Variants in ABCD3 observed in about 807,000 individuals in gnomAD.
The protein encoded by ABCD3 is ATP-binding cassette sub-family D member 3.
In ABCD3, 41 loss-of-function variants were observed where a neutral mutation model predicts 105.5. The ratio of observed to expected loss-of-function variants is 0.39; its 90% confidence interval spans 0.30 to 0.50. ABCD3 has a LOEUF of 0.50. ABCD3 is among the 20% of genes least tolerant of loss of function. The pLI, the probability that ABCD3 is intolerant of heterozygous loss-of-function variation, is 0.84. For synonymous variants in ABCD3, 258 were observed against 269.0 expected, an observed-to-expected ratio of 0.96 and a Z score of 0.40; for missense variants, 622 against 806.3, an observed-to-expected ratio of 0.77 and a Z score of 2.77.
Position 94,498,659 on chromosome 1 carries a change from CT to C in ABCD3, c.1448del (p.Phe483SerfsTer15). 1 of 1,612,840 alleles carries C rather than the reference CT, an allele frequency of 6.2e-7. No homozygotes were observed. Among genetic ancestry groups the C allele is most frequent in the Non-Finnish European group, 8.5e-7 (1 of 1,179,786 alleles). On this transcript the variant is annotated frameshift_variant, in exon 17 of 23. Transcript: ENST00000370214. LOFTEE classifies it high-confidence loss of function. ...CGPNGCGKSSLFRVLGELWPL... is the reference protein window; with the variant it reads ...CGPNGCGKSSXFRVLGELWPL... Reference sequence around the variant, plus strand: ...TCCAAATGGCTGCGGAAAGAGTTCACTTTTCCGTGTTCTTGGTGAAGTAAGT... The same window carrying C: ...TCCAAATGGCTGCGGAAAGAGTTCACTTTCCGTGTTCTTGGTGAAGTAAGT...
chr1:94,398,762 A>T, the ABCD3 span, among the ~76,000 whole-genome samples: 93 of 152,280 alleles, frequency 6.1e-4, no homozygotes, highest in African/African-American at 2.2e-3. Context: ...AAATGCAAAA[A>T]AATTAGCTGG....
At chr1:94,472,596 C>T (rs1648541025) in intron 4 of ABCD3, among the ~76,000 whole-genome samples, 1 of 152,078 alleles carries the variant, frequency 6.6e-6, no homozygotes, top group Non-Finnish European at 1.5e-5. Context: ...TTTCATGCTA[C>T]AAACCCCTCT....
intron 1 of ABCD3, among the ~76,000 whole-genome samples, chr1:94,424,022 G>C (rs1308599796): frequency 6.6e-6 from 1 of 152,148 alleles, no homozygotes; most frequent in Non-Finnish European, 1.5e-5. Flanking sequence ...TTACCCATGA[G>C]TAGATGTTAT....
intron 13 of ABCD3, 65 bp downstream of exon 13, chr1:94,488,048 T>G: frequency 7.6e-7 from 1 of 1,312,416 alleles, no homozygotes; most frequent in South Asian, 1.2e-5. Flanking sequence ...CCTTAATGAT[T>G]GTATCAGTTG....
chr1:94,511,565 T>C, intron 21 of ABCD3, among the ~76,000 whole-genome samples: 1 of 152,208 alleles, frequency 6.6e-6, no homozygotes, highest in South Asian at 2.1e-4. Context: ...GAAGTTCTCC[T>C]GGATAATATC....
intron 10 of ABCD3, among the ~76,000 whole-genome samples, chr1:94,485,919 C>T (rs1212297538): frequency 3.3e-5 from 5 of 152,182 alleles, no homozygotes; most frequent in East Asian, 1.9e-4. Context: ...GAGCCAGTTG[C>T]GGTGGCTCAC....
chr1:94,458,792 A>G, intron 2 of ABCD3, 149 bp downstream of exon 2: 1 of 770,076 alleles, frequency 1.3e-6, no homozygotes, highest in South Asian at 1.8e-5. Context: ...TACTCTCTGA[A>G]ATAGGACTCC....
the ABCD3 span, among the ~76,000 whole-genome samples, chr1:94,404,210 T>A: frequency 6.6e-6 from 1 of 152,168 alleles, no homozygotes; most frequent in Non-Finnish European, 1.5e-5. Flanking sequence ...CATCAATACC[T>A]TTGCTCATTT....
At chr1:94,507,387 T>C (rs1557692176) in intron 21 of ABCD3, among the ~76,000 whole-genome samples, 1 of 152,222 alleles carries the variant, frequency 6.6e-6, no homozygotes, top group East Asian at 1.9e-4. Context: ...ATCCAGTCTA[T>C]CTTTGTTGGA....
chr1:94,396,377 C>T, the ABCD3 span, among the ~76,000 whole-genome samples: 3 of 152,208 alleles, frequency 2.0e-5, no homozygotes, highest in African/African-American at 7.2e-5. Flanking sequence ...AACAAAATCT[C>T]ACTTACTGAA....
chr1:94,388,288 G>T, the ABCD3 span, among the ~76,000 whole-genome samples: 1 of 152,106 alleles, frequency 6.6e-6, no homozygotes, highest in Non-Finnish European at 1.5e-5. Context: ...GAAACTTATT[G>T]CCACCCGCAC....
At chr1:94,447,213 A>G (rs1051148742) in intron 1 of ABCD3, among the ~76,000 whole-genome samples, 1 of 152,248 alleles carries the variant, frequency 6.6e-6, no homozygotes, top group Non-Finnish European at 1.5e-5. Flanking sequence ...TCGTTAATAA[A>G]CAATTAGAAG....
At chr1:94,515,226 G>T in intron 22 of ABCD3, 24 bp downstream of exon 22, 2 of 1,568,622 alleles carry the variant, frequency 1.3e-6, no homozygotes, top group Non-Finnish European at 8.8e-7. Flanking sequence ...TCATTGAATG[G>T]TACAGTGAAA....
At chr1:94,515,691 G>A (rs1024640550) in intron 22 of ABCD3, among the ~76,000 whole-genome samples, 7 of 151,898 alleles carry the variant, frequency 4.6e-5, no homozygotes, top group African/African-American at 7.2e-5. Context: ...GCTTACATTG[G>A]TGCACGTGTA....
the ABCD3 span, among the ~76,000 whole-genome samples, chr1:94,397,190 T>A: frequency 7.5e-4 from 114 of 152,354 alleles, no homozygotes; most frequent in African/African-American, 2.7e-3. Context: ...ATACCTTTCA[T>A]CCAGCTTCCC....
chr1:94,398,757 C>CA, the ABCD3 span, among the ~76,000 whole-genome samples: 12 of 151,890 alleles, frequency 7.9e-5, no homozygotes, highest in Non-Finnish European at 1.6e-4. Context: ...ACTAAAAATG[C>CA]AAAAAAATTA....
intron 21 of ABCD3, among the ~76,000 whole-genome samples, chr1:94,507,097 A>G (rs1372302267): frequency 2.6e-5 from 4 of 152,030 alleles, no homozygotes; most frequent in Admixed American, 1.3e-4. Flanking sequence ...CCACTAACTC[A>G]TCATCTAGCA....
At chr1:94,490,122 G>T (rs942543349) in intron 15 of ABCD3, 147 bp downstream of exon 15, 4 of 691,956 alleles carry the variant, frequency 5.8e-6, no homozygotes, top group Non-Finnish European at 7.5e-6. Context: ...CCTAAAAATT[G>T]TGTATATTAA....
At chr1:94,395,626 A>G in the ABCD3 span, among the ~76,000 whole-genome samples, 1 of 152,186 alleles carries the variant, frequency 6.6e-6, no homozygotes, top group African/African-American at 2.4e-5. Flanking sequence ...AATGCTATTG[A>G]TAAAGGTCAT....
Sources: allele counts gnomAD v4.1 joint callset (sites outside exome capture counted in the v4.1 genomes callset), GRCh38; gene constraint gnomAD v4.1.1; transcripts MANE v1.5; gene names NCBI Gene and HGNC (gene_info 2026-07-23, HGNC 2026-07-21).